The following RADIL variants were observed in gnomAD, a reference collection of about 807,000 sequenced individuals.
RADIL encodes ras-associating and dilute domain-containing protein.
RADIL carries 99 observed loss-of-function variants against 97.6 expected under a neutral mutation model. That is an observed-to-expected ratio of 1.01 (90% CI 0.86 to 1.20). The LOEUF is 1.20. Ranked by LOEUF, RADIL falls within the 50% of genes most tolerant of loss-of-function variation. The pLI is 0.00. For missense variants in RADIL, 1,765 were observed against 1,498.9 expected (o/e 1.18, Z -2.93); for synonymous variants, 803 against 691.8 (o/e 1.16, Z -2.52).
rs940205406 is a variant in RADIL, at chr7:4,819,817, C to A, written c.1616-2466G>T. 6.6e-6 allele frequency among the ~76,000 whole-genome samples: 1 copy of A among 152,230 alleles called. No homozygotes were observed. The highest frequency in any genetic ancestry group is 1.5e-5 in the Non-Finnish European group (1 of 68,042). On this transcript the variant is annotated intron_variant, in intron 6 of 14. Transcript: ENST00000399583. This position sits in a 1 kb window ranked among gnomAD's most constrained non-coding sequence, Gnocchi z 5.8. ...TGGTGCCTGCCTGGCCCTCGACACCCGGAGCCTGCAGGCATCCCTGGGCCC... is the reference window on the plus strand; with the variant it reads ...TGGTGCCTGCCTGGCCCTCGACACCAGGAGCCTGCAGGCATCCCTGGGCCC...
chr7:4,802,850 GAC>G (rs1782153037), intron 11 of RADIL, among the ~76,000 whole-genome samples: 1 of 122,158 alleles, frequency 8.2e-6, no homozygotes, highest in African/African-American at 3.4e-5. Context: ...ATGCTGGCTG[GAC>G]CCCCTCCCCG....
In RADIL at chr7:4,816,249, G is replaced by C; in HGVS notation, c.1945C>G (p.Leu649Val). 5.6e-6 allele frequency: 9 copies of C among 1,611,628 alleles called. No homozygotes were observed. The highest frequency in any genetic ancestry group is 7.6e-6 in the Non-Finnish European group (9 of 1,178,862). The change falls in exon 8 of 15, where the codon CTC becomes GTC. Residue 649 changes from leucine to valine, a missense_variant. By Grantham distance (32) the Leu-to-Val change is conservative (BLOSUM62 1). Coordinates refer to ENST00000399583, the MANE Select transcript of RADIL (RefSeq NM_018059.5). ...YLFFFSGTLL[L>V]NQLLDRGPSL... ...TCACCCCTGTCGAGGAGCTGGTTGA[G>C]AAGCAGTGTCCCGGAGAAGAAGAAG...
At position 4,815,778 on chromosome 7, in the gene RADIL, C is replaced by A. The variant is rs888739141; in HGVS notation, c.1967-328G>T. 1.3e-5 allele frequency among the ~76,000 whole-genome samples: 2 copies of A among 152,256 alleles called. No individual in the cohort carries two copies. The highest frequency in any genetic ancestry group is 2.9e-5 in the Non-Finnish European group (2 of 68,008). ...TGCCCCCACCTGGGTCTCCCCACGC[C>A]CCACAGTGGCCCTGGCTGGGAGTGG... On this transcript the variant is annotated intron_variant, in intron 8 of 14. Transcript: ENST00000399583. This position sits in a 1 kb window ranked among gnomAD's most constrained non-coding sequence, Gnocchi z 8.0.
Position 4,849,560 on chromosome 7 carries a change from G to GGAC in RADIL, c.536-12958_536-12956dup, listed in dbSNP as rs1017162271. On this transcript the variant is annotated intron_variant, in intron 2 of 14. Coordinates refer to ENST00000399583, the MANE Select transcript of RADIL (RefSeq NM_018059.5). This position sits in a 1 kb window ranked among gnomAD's most constrained non-coding sequence, Gnocchi z 5.4. Reference sequence around the variant, plus strand: ...GTTCTGAAACATTTCAGTTCATTCAGGACCATCCAAGGCATGAACATGCCT... The same window carrying GGAC: ...GTTCTGAAACATTTCAGTTCATTCAGGACGACCATCCAAGGCATGAACATGCCT... Among the ~76,000 whole-genome samples, 1 of 152,088 alleles carries GGAC rather than the reference G, an allele frequency of 6.6e-6. No individual in the cohort carries two copies. The highest frequency in any genetic ancestry group is 2.4e-5 in the African/African-American group (1 of 41,404).
At chr7:4,847,150 GTC>G in intron 2 of RADIL, among the ~76,000 whole-genome samples, 1 of 151,840 alleles carries the variant, frequency 6.6e-6, no homozygotes, top group South Asian at 2.1e-4. Context: ...GTAAAACCCC[GTC>G]TCTACTAAAG....
At chr7:4,804,419 T>A (rs530482331) in intron 10 of RADIL, among the ~76,000 whole-genome samples, 1 of 152,348 alleles carries the variant, frequency 6.6e-6, no homozygotes, top group East Asian at 1.9e-4. Context: ...CCTCCCGCCA[T>A]CCCGTACTCT....
intron 5 of RADIL, among the ~76,000 whole-genome samples, chr7:4,826,003 G>A (rs1399042548): frequency 6.6e-6 from 1 of 152,082 alleles, no homozygotes; most frequent in African/African-American, 2.4e-5. Context: ...AGCACTTTGG[G>A]AGGCTGAAGC....
rs1279162420 is a variant in RADIL at position 4,799,786 on chromosome 7, G to C, written c.2983-17C>G. On this transcript the variant is annotated splice_polypyrimidine_tract_variant and intron_variant, in intron 13 of 14. Coordinates refer to ENST00000399583, the MANE Select transcript of RADIL (RefSeq NM_018059.5). ...GTGCGTGTGCTGGGGACAAGCAGAG[G>C]CCTCAGAGCTCCGCAGGCCCGACTG... 1 of 1,502,998 alleles carries C rather than the reference G, an allele frequency of 6.7e-7. No homozygotes were observed. Among genetic ancestry groups the C allele is most frequent in the African/African-American group, 1.4e-5 (1 of 71,944 alleles). 93.1% of individuals were successfully genotyped at this position (1,502,998 alleles called of 1,614,324 possible). A position where few individuals can be genotyped will look rare whatever the true frequency, so the allele number is the denominator to read the frequency against.
chr7:4,866,560 C>T (rs1784135651), intron 2 of RADIL, among the ~76,000 whole-genome samples: 1 of 152,102 alleles, frequency 6.6e-6, no homozygotes. Context: ...TACGTTGTGA[C>T]CTTGGGGAAA....
Position 4,809,210 on chromosome 7 carries a change from C to G in RADIL, c.2140-3494G>C, listed in dbSNP as rs1481929041. The G allele has an allele frequency of 3.0e-6, 3 of 985,226 alleles. No individual in the cohort carries two copies. The East Asian group carries it at 3.4e-4, about 112-fold the overall frequency. 61.0% of individuals were successfully genotyped at this position (985,226 alleles called of 1,614,324 possible). A position where few individuals can be genotyped will look rare whatever the true frequency, so the allele number is the denominator to read the frequency against. On this transcript the variant is annotated intron_variant, in intron 9 of 14. Coordinates refer to ENST00000399583, the MANE Select transcript of RADIL (RefSeq NM_018059.5). Reference sequence around the variant, plus strand: ...CCTCCCCGGGCTGTCACTGCCGACTCGGGCCTGCCCATCTCCCGCAGGGGC... The same window carrying G: ...CCTCCCCGGGCTGTCACTGCCGACTGGGGCCTGCCCATCTCCCGCAGGGGC...
intron 2 of RADIL, among the ~76,000 whole-genome samples, chr7:4,848,855 T>C (rs961836676): frequency 9.2e-5 from 14 of 152,184 alleles, no homozygotes; most frequent in South Asian, 4.2e-4. Context: ...GATAGGGAAT[T>C]AGGCCGGGCA....
chr7:4,826,559 CCT>C (rs796888654), intron 5 of RADIL, among the ~76,000 whole-genome samples: 71 of 151,664 alleles, frequency 4.7e-4, no homozygotes, highest in African/African-American at 1.5e-3. Context: ...ATGGTGAACC[CCT>C]GTCTCTACTA....
chr7:4,809,657 TTTTATTTA>T, intron 9 of RADIL: 1 of 916,222 alleles, frequency 1.1e-6, no homozygotes, highest in Non-Finnish European at 1.3e-6. Context: ...TTACATCTTA[TTTTATTTA>T]TTTATTTATT....
chr7:4,799,100 C>T lies in RADIL; in HGVS notation c.*278G>A. 1 of 422,616 alleles carries T rather than the reference C, an allele frequency of 2.4e-6. No individual in the cohort carries two copies. 26.2% of individuals were successfully genotyped at this position (422,616 alleles called of 1,614,324 possible). A position where few individuals can be genotyped will look rare whatever the true frequency, so the allele number is the denominator to read the frequency against. On this transcript the variant is annotated 3_prime_UTR_variant, in exon 15 of 15. Coordinates refer to ENST00000399583, the MANE Select transcript of RADIL (RefSeq NM_018059.5). ...CCCGAGTTGAGACCCCAGCAGGGCA[C>T]CCTCTAAGAACGGGAAAAATAGTTT...
Position 4,879,824 on chromosome 7 carries a change from G to A in RADIL, c.-64-1621C>T, listed in dbSNP as rs1444941725. Among the ~76,000 whole-genome samples the A allele has an allele frequency of 6.6e-6, 1 of 152,130 alleles. No homozygotes were observed. Among genetic ancestry groups the A allele is most frequent in the Non-Finnish European group, 1.5e-5 (1 of 68,044 alleles). ...AACTGGCCTCTTTCTAATATCACCG[G>A]GGCGTGGGTCATCTTCTCTGGAGCC... On this transcript the variant is annotated intron_variant, in intron 1 of 14. Transcript: ENST00000399583. This position sits in a 1 kb window ranked among gnomAD's most constrained non-coding sequence, Gnocchi z 4.1.
rs560169468 is a variant in RADIL, at chr7:4,832,472, C to T, written c.1417-294G>A. Reference sequence around the variant, plus strand: ...AAATAGTAGAGGCTGGGCAAGGTGGCTCACACCTGGAATCCCAGCACTTTG... The same window carrying T: ...AAATAGTAGAGGCTGGGCAAGGTGGTTCACACCTGGAATCCCAGCACTTTG... On this transcript the variant is annotated intron_variant, in intron 4 of 14. Transcript: ENST00000399583. Among the ~76,000 whole-genome samples, 5 of 152,292 alleles carry T rather than the reference C, an allele frequency of 3.3e-5. No homozygotes were observed. The South Asian group carries it at 8.3e-4, about 25-fold the overall frequency.
At position 4,799,171 on chromosome 7, in the gene RADIL, G is replaced by A. The variant is rs1044708468; in HGVS notation, c.*207C>T. ...TGAAGTCTTTAAACATAAAAGCTCTGTAACAAACATCACAATTTCACGTCA... is the reference window on the plus strand; with the variant it reads ...TGAAGTCTTTAAACATAAAAGCTCTATAACAAACATCACAATTTCACGTCA... On this transcript the variant is annotated 3_prime_UTR_variant, in exon 15 of 15. Transcript: ENST00000399583. The A allele has an allele frequency of 8.5e-5, 50 of 584,822 alleles. No individual in the cohort carries two copies. The highest frequency in any genetic ancestry group is 2.1e-4 in the Admixed American group (7 of 33,374). The allele number at this position is 584,822 out of a possible 1,614,324, so 36.2% of individuals were successfully genotyped here.
chr7:4,857,183 G>A (rs188339845), intron 2 of RADIL, among the ~76,000 whole-genome samples: 46 of 152,324 alleles, frequency 3.0e-4, no homozygotes, highest in African/African-American at 1.1e-3. Flanking sequence ...ATCATTAAAT[G>A]TTCCTGATGC....
intron 2 of RADIL, among the ~76,000 whole-genome samples, chr7:4,856,470 AT>A (rs1228786067): frequency 1.3e-5 from 2 of 152,134 alleles, no homozygotes; most frequent in Admixed American, 6.5e-5. Context: ...GATAGTAATC[AT>A]TTGTCAGTTT....
Sources: allele counts gnomAD v4.1 joint callset (sites outside exome capture counted in the v4.1 genomes callset), GRCh38; gene constraint gnomAD v4.1.1; non-coding constraint Gnocchi (gnomAD v3.1); transcripts MANE v1.5; gene names NCBI Gene and HGNC (gene_info 2026-07-23, HGNC 2026-07-21).